CA10: variants seen among roughly 807,000 people sequenced by gnomAD.
The protein encoded by CA10 is carbonic anhydrase 10 (inactive).
A neutral mutation model predicts 44.2 loss-of-function variants in CA10; 14 were observed. That is an observed-to-expected ratio of 0.32 (90% CI 0.21 to 0.50). The LOEUF (loss-of-function observed/expected upper bound fraction) is 0.50. CA10 is among the 20% of genes least tolerant of loss of function. The probability of loss-of-function intolerance (pLI) is 0.99; values close to 1 mark genes in which losing one functional copy is unlikely to be tolerated. For synonymous variants in CA10, 159 were observed against 141.6 expected (o/e 1.12, Z -0.87); for missense variants, 350 against 409.7 (o/e 0.85, Z 1.26).
At chr17:51,922,238 A>G (rs1982262024) in intron 3 of CA10, among the ~76,000 whole-genome samples, 1 of 152,192 alleles carries the variant, frequency 6.6e-6, no homozygotes, top group Non-Finnish European at 1.5e-5. Flanking sequence ...AAGCCAAATA[A>G]ACCCTTTGTT....
At chr17:51,998,756 G>T (rs770846044) in intron 2 of CA10, among the ~76,000 whole-genome samples, 2 of 152,016 alleles carry the variant, frequency 1.3e-5, no homozygotes, top group Non-Finnish European at 2.9e-5. Context: ...CTAGGACTCT[G>T]GTTTTAATCA....
At chr17:51,789,271 C>T (rs1050945315) in intron 3 of CA10, among the ~76,000 whole-genome samples, 4 of 151,358 alleles carry the variant, frequency 2.6e-5, no homozygotes, top group African/African-American at 9.7e-5. Context: ...CCACGCTGGC[C>T]TCCCACAGTG....
At chr17:51,878,830 ATATATATATATATATATATATAT>A in intron 3 of CA10, among the ~76,000 whole-genome samples, 1 of 4,206 alleles carries the variant, frequency 2.4e-4, no homozygotes, top group Non-Finnish European at 3.3e-4. Flanking sequence ...TTTCATGTTC[ATATATATATATATATATATATAT>A]ATATATATAT....
chr17:52,044,630 C>A (rs1245670744), intron 2 of CA10, among the ~76,000 whole-genome samples: 1 of 151,962 alleles, frequency 6.6e-6, no homozygotes, highest in Non-Finnish European at 1.5e-5. Flanking sequence ...GAAATGGAAG[C>A]TTTCCAAAAT....
intron 3 of CA10, among the ~76,000 whole-genome samples, chr17:51,755,325 A>G (rs1905044978): frequency 6.6e-6 from 1 of 152,202 alleles, no homozygotes; most frequent in Non-Finnish European, 1.5e-5. Flanking sequence ...AATTCACAAA[A>G]TACACATGTC....
At chr17:51,931,266 G>A in intron 2 of CA10, 134 bp from the exon 3 acceptor site, 1 of 783,436 alleles carries the variant, frequency 1.3e-6, no homozygotes. Context: ...AGATCCTTGG[G>A]GGTTGCTATG....
At chr17:51,781,200 T>C (rs1370566678) in intron 3 of CA10, among the ~76,000 whole-genome samples, 1 of 152,216 alleles carries the variant, frequency 6.6e-6, no homozygotes, top group East Asian at 1.9e-4. Flanking sequence ...TCTCTGAGCC[T>C]TACCTTTCTC....
intron 4 of CA10, among the ~76,000 whole-genome samples, chr17:51,681,462 T>G (rs1279629943): frequency 6.6e-6 from 1 of 152,160 alleles, no homozygotes; most frequent in African/African-American, 2.4e-5. Context: ...CTTGGCACTG[T>G]TCATATATTG....
At chr17:51,786,277 C>G (rs113123483) in intron 3 of CA10, among the ~76,000 whole-genome samples, 4 of 151,044 alleles carry the variant, frequency 2.6e-5, no homozygotes, top group Non-Finnish European at 5.9e-5. Flanking sequence ...TCAGGGAGGA[C>G]GCATTGGCTC....
chr17:51,862,159 A>G (rs895485828), intron 3 of CA10, among the ~76,000 whole-genome samples: 2 of 152,166 alleles, frequency 1.3e-5, no homozygotes, highest in African/African-American at 4.8e-5. Flanking sequence ...GTAAATTTCA[A>G]CTCCTTGAAG....
At chr17:51,668,012 T>G (rs1385317305) in intron 4 of CA10, among the ~76,000 whole-genome samples, 5 of 152,228 alleles carry the variant, frequency 3.3e-5, no homozygotes, top group African/African-American at 1.2e-4. Flanking sequence ...TTTTTCATTC[T>G]TTCCTCCCTA....
chr17:51,870,464 G>T (rs887979542), intron 3 of CA10, among the ~76,000 whole-genome samples: 1 of 152,192 alleles, frequency 6.6e-6, no homozygotes, highest in Non-Finnish European at 1.5e-5. Context: ...CCATCAAGGT[G>T]CTATAAAATA....
At chr17:51,644,292 C>T (rs1238887923) in intron 6 of CA10, among the ~76,000 whole-genome samples, 1 of 152,080 alleles carries the variant, frequency 6.6e-6, no homozygotes, top group Non-Finnish European at 1.5e-5. Flanking sequence ...TGTGCAGCAG[C>T]TCCCTGCACC....
At chr17:51,829,470 G>A (rs1908148564) in intron 3 of CA10, among the ~76,000 whole-genome samples, 1 of 152,126 alleles carries the variant, frequency 6.6e-6, no homozygotes, top group Non-Finnish European at 1.5e-5. Context: ...GCAAATGAAG[G>A]CAGCCATGAG....
chr17:52,093,882 G>A (rs141709011), intron 1 of CA10, among the ~76,000 whole-genome samples: 9 of 152,228 alleles, frequency 5.9e-5, no homozygotes, highest in African/African-American at 2.2e-4. Flanking sequence ...AGACACTGAA[G>A]TTCAAAGTTA....
intron 4 of CA10, among the ~76,000 whole-genome samples, chr17:51,724,181 C>T (rs548857280): frequency 2.6e-5 from 4 of 152,356 alleles, no homozygotes; most frequent in Admixed American, 2.0e-4. Context: ...GTTTCTATTA[C>T]TGTCCTTGCA....
At chr17:51,953,858 A>G (rs1406870564) in intron 2 of CA10, among the ~76,000 whole-genome samples, 1 of 152,160 alleles carries the variant, frequency 6.6e-6, no homozygotes, top group Non-Finnish European at 1.5e-5. Flanking sequence ...TAAAAAGGGA[A>G]AGCAAGGTTT....
intron 1 of CA10, among the ~76,000 whole-genome samples, chr17:52,099,905 G>A (rs1047557263): frequency 1.2e-4 from 18 of 152,184 alleles, no homozygotes; most frequent in Non-Finnish European, 2.2e-4. Flanking sequence ...AAGAACAAGG[G>A]AAAACCCTCT....
chr17:51,779,182 G>T (rs535690496), intron 3 of CA10, among the ~76,000 whole-genome samples: 1 of 152,156 alleles, frequency 6.6e-6, no homozygotes, highest in African/African-American at 2.4e-5. Context: ...ATGGGAGAAA[G>T]GTAAGTGCCT....
Sources: gnomAD v4.1 joint callset for allele counts (sites outside exome capture counted in the v4.1 genomes callset) on GRCh38, gnomAD v4.1.1 for gene constraint, MANE v1.5 for transcripts, NCBI Gene and HGNC (gene_info 2026-07-23, HGNC 2026-07-21) for gene names.